The following EYS variants were observed in gnomAD, a reference collection of about 807,000 sequenced individuals.
EYS encodes EGF-like photoreceptor maintenance factor.
EYS carries 250 observed loss-of-function variants against 282.1 expected under a neutral mutation model. That is an observed-to-expected ratio of 0.89 (90% CI 0.80 to 0.98). The LOEUF (loss-of-function observed/expected upper bound fraction) is 0.98, where lower values mean the gene tolerates loss of function less well. Ranked by LOEUF, EYS falls within the 50% of genes least tolerant of loss-of-function variation. The pLI is 0.00. For missense variants in EYS, 4,016 were observed against 3,709.0 expected (o/e 1.08, Z -2.15); for synonymous variants, 1,355 against 1,282.9 (o/e 1.06, Z -1.20).
intron 41 of EYS, chr6:63,741,943 T>A (rs1246878509): frequency 4.3e-6 from 3 of 702,342 alleles, no homozygotes; most frequent in Non-Finnish European, 7.8e-6. Context: ...TCTGCTGGTT[T>A]TGGCTTTTCC....
intron 12 of EYS, among the ~76,000 whole-genome samples, chr6:65,109,964 G>T (rs6906226): frequency 0.26 from 39,538 of 152,020 alleles, 6,286 homozygotes; most frequent in African/African-American, 0.44. Flanking sequence ...TAATGAAATA[G>T]CCAAAATAAG....
chr6:64,487,175 CT>C (rs1776600193), intron 26 of EYS, among the ~76,000 whole-genome samples: 1 of 150,944 alleles, frequency 6.6e-6, no homozygotes, highest in African/African-American at 2.4e-5. Context: ...GTTTGGAGTG[CT>C]TTTTCATGCT....
chr6:64,634,438 T>C (rs909799162), intron 22 of EYS, among the ~76,000 whole-genome samples: 2 of 152,114 alleles, frequency 1.3e-5, no homozygotes, highest in Non-Finnish European at 2.9e-5. Context: ...ATTCACTGAT[T>C]CTTATTCCCT....
intron 12 of EYS, among the ~76,000 whole-genome samples, chr6:65,187,252 GACCT>G (rs1446546507): frequency 6.6e-6 from 1 of 151,628 alleles, no homozygotes; most frequent in Admixed American, 6.6e-5. Flanking sequence ...TAAATTTTAA[GACCT>G]TCAAACAAGA....
At chr6:63,923,679 C>A (rs1336184494) in intron 35 of EYS, among the ~76,000 whole-genome samples, 1 of 152,090 alleles carries the variant, frequency 6.6e-6, no homozygotes. Flanking sequence ...GTCCTTTCAC[C>A]CAGGTACTGA....
intron 18 of EYS, among the ~76,000 whole-genome samples, chr6:64,901,035 T>C (rs1341641860): frequency 1.5e-5 from 2 of 129,336 alleles, no homozygotes; most frequent in Admixed American, 1.6e-4. Flanking sequence ...ATGTGACACA[T>C]ATACACCATG....
intron 5 of EYS, among the ~76,000 whole-genome samples, chr6:65,452,716 A>T (rs1035049732): frequency 6.6e-6 from 1 of 152,034 alleles, no homozygotes; most frequent in Non-Finnish European, 1.5e-5. Flanking sequence ...AGCCTGAGGG[A>T]ACTATGTTAG....
At chr6:65,455,754 A>T (rs886128776) in intron 5 of EYS, among the ~76,000 whole-genome samples, 7 of 152,112 alleles carry the variant, frequency 4.6e-5, no homozygotes, top group Admixed American at 3.9e-4. Context: ...TTGAATCGGT[A>T]ACAAAAAGTC....
intron 33 of EYS, among the ~76,000 whole-genome samples, chr6:64,013,906 A>C (rs1480388277): frequency 6.6e-6 from 1 of 152,128 alleles, no homozygotes; most frequent in African/African-American, 2.4e-5. Flanking sequence ...GTAAGTTCTA[A>C]GAATATTACC....
intron 26 of EYS, among the ~76,000 whole-genome samples, chr6:64,464,679 T>C (rs1199346438): frequency 6.6e-6 from 1 of 151,998 alleles, no homozygotes; most frequent in Non-Finnish European, 1.5e-5. Flanking sequence ...GATAACTGGG[T>C]GATATAACAA....
chr6:63,897,508 GGCAGCCA>G (rs1332237674), intron 35 of EYS, among the ~76,000 whole-genome samples: 4 of 152,104 alleles, frequency 2.6e-5, no homozygotes, highest in African/African-American at 9.7e-5. Flanking sequence ...AAGGAATGCT[GGCAGCCA>G]CCAGAAACTG....
chr6:63,779,382 A>T (rs893355468), intron 39 of EYS: 3 of 151,452 alleles, frequency 2.0e-5, no homozygotes, highest in African/African-American at 7.3e-5. Context: ...TGAACTCCAG[A>T]GGCAGAGCTT....
At chr6:64,951,399 A>G (rs1769504428) in intron 14 of EYS, among the ~76,000 whole-genome samples, 1 of 152,018 alleles carries the variant, frequency 6.6e-6, no homozygotes, top group Non-Finnish European at 1.5e-5. Context: ...GTCTGCCAGA[A>G]AAATAAAAAT....
At chr6:64,689,223 T>C (rs1485644213) in intron 22 of EYS, among the ~76,000 whole-genome samples, 1 of 152,132 alleles carries the variant, frequency 6.6e-6, no homozygotes, top group East Asian at 1.9e-4. Context: ...CATTCACAAT[T>C]GCTTCAAAGA....
intron 8 of EYS, among the ~76,000 whole-genome samples, chr6:65,383,589 G>GA (rs1014574287): frequency 4.7e-4 from 67 of 143,006 alleles, no homozygotes; most frequent in Admixed American, 9.8e-4. Context: ...ATTATTTTTT[G>GA]AAAAAAAAAA....
intron 2 of EYS, among the ~76,000 whole-genome samples, chr6:65,545,537 AAG>A (rs1469463053): frequency 6.6e-6 from 1 of 152,174 alleles, no homozygotes; most frequent in African/African-American, 2.4e-5. Flanking sequence ...AGTGGGATCA[AAG>A]AGTATATTAT....
At chr6:63,784,555 G>C (rs1770317350) in intron 39 of EYS, among the ~76,000 whole-genome samples, 1 of 152,098 alleles carries the variant, frequency 6.6e-6, no homozygotes, top group Admixed American at 6.6e-5. Flanking sequence ...CATGATGGAA[G>C]GTGAAGAGGA....
rs184722374 is a variant in EYS, at chr6:63,726,645, C to A, written c.8107G>T (p.Glu2703Ter). 36 of 1,551,200 alleles carry A rather than the reference C, an allele frequency of 2.3e-5. No individual in the cohort carries two copies. The East Asian group carries it at 7.8e-4, about 34-fold the overall frequency. ...GAAGCAAAAGACATCCAGGATAACTCATTGCTTCTGAAAGATGGATCACTT... is the reference window on the plus strand; with the variant it reads ...GAAGCAAAAGACATCCAGGATAACTAATTGCTTCTGAAAGATGGATCACTT... ...SISDPSFRSN[E>*]LSWMSFASFH... The change falls in exon 42 of 43, where the codon GAG (glutamate) becomes TAG (stop). Residue 2703 changes from glutamate to a stop codon, truncating the protein, a stop_gained. Transcript: ENST00000503581. LOFTEE classifies it high-confidence loss of function.
At chr6:64,196,870 T>C (rs192274943) in intron 31 of EYS, among the ~76,000 whole-genome samples, 2 of 152,154 alleles carry the variant, frequency 1.3e-5, no homozygotes, top group African/African-American at 4.8e-5. Flanking sequence ...ATTGTGCACA[T>C]GTACCCTAAA....
Sources: allele counts gnomAD v4.1 joint callset (sites outside exome capture counted in the v4.1 genomes callset), GRCh38; gene constraint gnomAD v4.1.1; transcripts MANE v1.5; gene names NCBI Gene and HGNC (gene_info 2026-07-23, HGNC 2026-07-21).